HBS1L: variants seen among roughly 807,000 people sequenced by gnomAD.
HBS1L encodes HBS1-like protein.
Under a neutral mutation model 88.9 loss-of-function variants are expected in HBS1L, and 55 were observed. The observed-to-expected ratio is 0.62, with a 90% CI of 0.50 to 0.77. The LOEUF is 0.77. Among genes scored for constraint, HBS1L ranks in the 30% least tolerant of loss-of-function variants. HBS1L has a pLI of 0.00. For synonymous variants in HBS1L, 267 were observed against 288.5 expected (o/e 0.93, Z 0.76); for missense variants, 741 against 829.3 (o/e 0.89, Z 1.31).
chr6:134,987,760 C>A lies in HBS1L; in HGVS notation c.1115G>T (p.Ser372Ile). The A allele has an allele frequency of 6.2e-7, 1 of 1,601,392 alleles. No individual in the cohort carries two copies. Among genetic ancestry groups the A allele is most frequent in the Non-Finnish European group, 8.5e-7 (1 of 1,173,878 alleles). Residue 372 changes from serine (S) to isoleucine (I), a missense_variant, in exon 9 of 18, where the codon AGC becomes ATC. This residue lies in a region of HBS1L where 556 missense variants were observed against 598.4 expected (regional missense o/e 0.93). Coordinates refer to ENST00000367837, the MANE Select transcript of HBS1L (RefSeq NM_006620.4). The stretch of plus-strand genomic sequence containing the variant: ...AAATCCAGCTTCAAACTCTCCCCTG[C>A]TGGCATCTACAACTAAAACAGCTAC... Reference protein sequence around the residue: ...ADVAVLVVDASRGEFEAGFET... With the variant: ...ADVAVLVVDAIRGEFEAGFET...
chr6:135,053,946 C>T (rs1001478576), intron 1 of HBS1L, among the ~76,000 whole-genome samples: 1 of 152,088 alleles, frequency 6.6e-6, no homozygotes. Context: ...AAAGTCCTTT[C>T]CTATACACTC....
chr6:135,032,962 T>A (rs117837168), intron 4 of HBS1L, among the ~76,000 whole-genome samples: 11 of 152,152 alleles, frequency 7.2e-5, no homozygotes, highest in Non-Finnish European at 1.6e-4. Flanking sequence ...AAAAGTGCTC[T>A]GTACAGAAAT....
chr6:134,966,207 G>A (rs986042439), intron 17 of HBS1L, 122 bp downstream of exon 17: 1 of 811,712 alleles, frequency 1.2e-6, no homozygotes, highest in Non-Finnish European at 1.9e-6. Flanking sequence ...AAATGAGTAA[G>A]GCTTCTCCTA....
chr6:135,037,346 A>G, intron 4 of HBS1L: 1 of 1,551,834 alleles, frequency 6.4e-7, no homozygotes, highest in Non-Finnish European at 8.7e-7. Context: ...GGACTTTCAC[A>G]CTGAGAAAAC....
At chr6:135,005,548 A>C (rs1775586978) in intron 4 of HBS1L, among the ~76,000 whole-genome samples, 1 of 152,230 alleles carries the variant, frequency 6.6e-6, no homozygotes, top group South Asian at 2.1e-4. Flanking sequence ...TAGGGATTTC[A>C]TTTGTATGAA....
chr6:135,000,826 C>T (rs1038070671), intron 5 of HBS1L, among the ~76,000 whole-genome samples: 8 of 152,092 alleles, frequency 5.3e-5, no homozygotes, highest in Admixed American at 2.6e-4. Flanking sequence ...AAATAAGACA[C>T]CACTGAGAAT....
At chr6:135,040,344 CTTTTTTTTTTTT>C (rs71006751) in intron 3 of HBS1L, among the ~76,000 whole-genome samples, 6 of 110,046 alleles carry the variant, frequency 5.5e-5, no homozygotes, top group Non-Finnish European at 3.5e-5. Flanking sequence ...GATAGGCATT[CTTTTTTTTTTTT>C]TTTTTTTTTT....
intron 15 of HBS1L, among the ~76,000 whole-genome samples, chr6:134,978,387 AG>A (rs1774713275): frequency 6.6e-6 from 1 of 152,028 alleles, no homozygotes; most frequent in Admixed American, 6.6e-5. Context: ...TTTAGAACAC[AG>A]TGAAAATGTG....
At chr6:135,053,825 T>C (rs1464258437) in intron 1 of HBS1L, among the ~76,000 whole-genome samples, 3 of 152,242 alleles carry the variant, frequency 2.0e-5, no homozygotes, top group East Asian at 1.9e-4. Context: ...GTGATGCCTA[T>C]AGTTATCTAC....
chr6:135,021,648 C>T (rs4896126), intron 4 of HBS1L, among the ~76,000 whole-genome samples: 8 of 151,800 alleles, frequency 5.3e-5, no homozygotes, highest in Non-Finnish European at 1.2e-4. Context: ...TTTATCCCTA[C>T]GATGCTTATC....
At chr6:135,053,252 AGC>A (rs1251732286) in intron 1 of HBS1L, among the ~76,000 whole-genome samples, 2 of 152,122 alleles carry the variant, frequency 1.3e-5, no homozygotes, top group African/African-American at 4.8e-5. Context: ...TCCCTCCCAT[AGC>A]GTTTTCTCAG....
intron 17 of HBS1L, 53 bp from the exon 18 acceptor site, chr6:134,965,343 A>G (rs1052649456): frequency 2.4e-6 from 3 of 1,241,312 alleles, no homozygotes; most frequent in East Asian, 2.3e-5. Context: ...CAATCACATT[A>G]TAAGAACAAC....
intron 4 of HBS1L, among the ~76,000 whole-genome samples, chr6:135,032,635 C>A (rs1776420702): frequency 6.6e-6 from 1 of 152,138 alleles, no homozygotes; most frequent in South Asian, 2.1e-4. Context: ...GGTCCACATA[C>A]AGATTCAGGG....
At chr6:135,033,875 A>G (rs1350747658) in intron 4 of HBS1L, among the ~76,000 whole-genome samples, 1 of 152,252 alleles carries the variant, frequency 6.6e-6, no homozygotes, top group Non-Finnish European at 1.5e-5. Flanking sequence ...ACAAACTCTT[A>G]TAATTCAATT....
At chr6:134,986,712 C>A in intron 10 of HBS1L, 24 bp downstream of exon 10, 1 of 1,388,606 alleles carries the variant, frequency 7.2e-7, no homozygotes, top group Non-Finnish European at 9.9e-7. Flanking sequence ...AAAGTAATAA[C>A]AAATAAATCT....
intron 4 of HBS1L, among the ~76,000 whole-genome samples, chr6:135,010,795 TA>T (rs1202187051): frequency 6.6e-6 from 1 of 151,988 alleles, no homozygotes; most frequent in Non-Finnish European, 1.5e-5. Context: ...ACCAATAAAA[TA>T]AACTAAGAAT....
At chr6:134,984,388 A>AG (rs2114778977) in intron 12 of HBS1L, among the ~76,000 whole-genome samples, 1 of 152,292 alleles carries the variant, frequency 6.6e-6, no homozygotes, top group African/African-American at 2.4e-5. Flanking sequence ...GCCTTCAAGG[A>AG]GTTCATAATC....
chr6:135,014,907 C>T (rs1027735383), intron 4 of HBS1L, among the ~76,000 whole-genome samples: 10 of 149,776 alleles, frequency 6.7e-5, no homozygotes, highest in South Asian at 2.1e-4. Flanking sequence ...TAGTGGTACA[C>T]GCCTGTAGTC....
chr6:135,013,163 C>T (rs745504714), intron 4 of HBS1L, among the ~76,000 whole-genome samples: 2 of 152,098 alleles, frequency 1.3e-5, no homozygotes, highest in Non-Finnish European at 2.9e-5. Context: ...CTAGTTTCCT[C>T]GTCCATAAAA....
Sources: gnomAD v4.1 joint callset for allele counts (sites outside exome capture counted in the v4.1 genomes callset) on GRCh38, gnomAD v4.1.1 for gene constraint, gnomAD v4.1.1 regional missense constraint, MANE v1.5 for transcripts, NCBI Gene and HGNC (gene_info 2026-07-23, HGNC 2026-07-21) for gene names.